GNG3: variants seen among roughly 807,000 people sequenced by gnomAD.
GNG3 encodes the protein G protein subunit gamma 3, also known as guanine nucleotide-binding protein G(I)/G(S)/G(O) subunit gamma-3.
A neutral mutation model predicts 5.6 loss-of-function variants in GNG3; 4 were observed. The observed-to-expected ratio is 0.71, with a 90% CI of 0.35 to 1.63. The LOEUF (loss-of-function observed/expected upper bound fraction) is 1.63, where lower values mean the gene tolerates loss of function less well. GNG3 is among the 40% of genes most tolerant of loss of function. GNG3 has a pLI of 0.05. For synonymous variants in GNG3, 30 were observed against 33.5 expected (o/e 0.89, Z 0.36); for missense variants, 62 against 96.6 (o/e 0.64, Z 1.50).
Position 62,708,894 on chromosome 11 carries a change from C to T in GNG3, c.*88C>T, listed in dbSNP as rs770513284. On this transcript the variant is annotated 3_prime_UTR_variant, in exon 3 of 3. Transcript: ENST00000294117. ...TAATTGTTGTGAGCCCCTTAGGCTCCTTGCATCCCATCCCTAACCCTTGCC... is the reference window on the plus strand; with the variant it reads ...TAATTGTTGTGAGCCCCTTAGGCTCTTTGCATCCCATCCCTAACCCTTGCC... 111 of 983,694 alleles carry T rather than the reference C, an allele frequency of 1.1e-4. No individual in the cohort carries two copies. The highest frequency in any genetic ancestry group is 1.6e-4 in the Non-Finnish European group (102 of 626,006). 60.9% of individuals were successfully genotyped at this position (983,694 alleles called of 1,614,324 possible). A position where few individuals can be genotyped will look rare whatever the true frequency, so the allele number is the denominator to read the frequency against.
upstream of GNG3, chr11:62,707,661 G>A: frequency 4.5e-6 from 2 of 440,830 alleles, no homozygotes; most frequent in Non-Finnish European, 8.4e-6. Flanking sequence ...GTATGCTCCA[G>A]GATCTGAGCA....
In GNG3 at chr11:62,707,928, C is replaced by T. The variant is rs1270662427; in HGVS notation, c.-2+13C>T. The T allele has an allele frequency of 9.9e-6, 3 of 303,380 alleles. No individual in the cohort carries two copies. Among genetic ancestry groups the T allele is most frequent in the East Asian group, 1.5e-4 (2 of 13,756 alleles). The allele number at this position is 303,380 out of a possible 1,614,324, so 18.8% of individuals were successfully genotyped here. On this transcript the variant is annotated intron_variant, in intron 1 of 2. Transcript: ENST00000294117. ...CTTGTGGCTTCAGGTAAGTAATGGC[C>T]TGTTTTTCTCCTGTTGGGGCTCACT...
At chr11:62,708,575 G>T (rs1309549875) in intron 2 of GNG3, 103 bp from the exon 3 acceptor site, 7 of 1,513,488 alleles carry the variant, frequency 4.6e-6, no homozygotes, top group Middle Eastern at 2.1e-4. Context: ...AAGACAAGTC[G>T]TAAGGAGCCC....
At chr11:62,706,765 T>A, upstream of GNG3, 1 of 541,192 alleles carries the variant, frequency 1.8e-6, no homozygotes, top group South Asian at 1.5e-5. Flanking sequence ...AACCTGGGCC[T>A]CTTGCGTTGT....
chr11:62,707,851 C>A lies in GNG3; in HGVS notation c.-66C>A, dbSNP rs2083567834. ...TACTGGGTGGGGCACCCATTTCAGG[C>A]AGAAGGTTTTGGTACCCTCCACTGA... is the stretch of plus-strand genomic sequence containing the variant. On this transcript the variant is annotated 5_prime_UTR_variant, in exon 1 of 3. Coordinates refer to ENST00000294117, the MANE Select transcript of GNG3 (RefSeq NM_012202.5). The A allele has an allele frequency of 4.0e-6, 1 of 252,560 alleles. No individual in the cohort carries two copies. The highest frequency in any genetic ancestry group is 7.8e-6 in the Non-Finnish European group (1 of 128,092). 15.6% of individuals were successfully genotyped at this position (252,560 alleles called of 1,614,324 possible).
intron 2 of GNG3, 69 bp downstream of exon 2, chr11:62,708,463 A>G: frequency 3.1e-6 from 4 of 1,294,356 alleles, no homozygotes; most frequent in Non-Finnish European, 4.5e-6. Flanking sequence ...CCCAAAGCTC[A>G]AGATAAGAGA....
At chr11:62,707,644 G>T, upstream of GNG3, 1 of 468,424 alleles carries the variant, frequency 2.1e-6, no homozygotes, top group South Asian at 2.1e-5. Flanking sequence ...CACTGGCCAG[G>T]CAGTTGGTAT....
At chr11:62,708,549 G>A in intron 2 of GNG3, 129 bp from the exon 3 acceptor site, 1 of 1,354,194 alleles carries the variant, frequency 7.4e-7, no homozygotes, top group Non-Finnish European at 1.0e-6. Context: ...CCAGGCCTCT[G>A]GGGGGGATGA....
At position 62,709,038 on chromosome 11, in the gene GNG3, A is replaced by G; in HGVS notation, c.*232A>G. ...AGAGATATGAGGCACCCTTTGCTCC[A>G]CCCACAGCAGGGCCCCGTCAGACTC... On this transcript the variant is annotated 3_prime_UTR_variant, in exon 3 of 3. Transcript: ENST00000294117. 3.8e-6 allele frequency: 2 copies of G among 528,268 alleles called. No homozygotes were observed. Among genetic ancestry groups the G allele is most frequent in the Non-Finnish European group, 7.0e-6 (2 of 287,438 alleles). 32.7% of individuals were successfully genotyped at this position (528,268 alleles called of 1,614,324 possible). A position where few individuals can be genotyped will look rare whatever the true frequency, so the allele number is the denominator to read the frequency against.
At position 62,709,139 on chromosome 11, in the gene GNG3, A is replaced by T; in HGVS notation, c.*333A>T. On this transcript the variant is annotated 3_prime_UTR_variant, in exon 3 of 3. Transcript: ENST00000294117. ...AGGGATGGGCCAGGTTCTTGCTCTCAGTCTCACCTGGAGCTACTGGGAGGG... is the reference window on the plus strand; with the variant it reads ...AGGGATGGGCCAGGTTCTTGCTCTCTGTCTCACCTGGAGCTACTGGGAGGG... 4 of 477,834 alleles carry T rather than the reference A, an allele frequency of 8.4e-6. No homozygotes were observed. The highest frequency in any genetic ancestry group is 6.2e-5 in the South Asian group (4 of 64,234). 29.6% of individuals were successfully genotyped at this position (477,834 alleles called of 1,614,324 possible). A position where few individuals can be genotyped will look rare whatever the true frequency, so the allele number is the denominator to read the frequency against.
upstream of GNG3, chr11:62,706,667 TG>T: frequency 4.2e-6 from 2 of 476,930 alleles, no homozygotes; most frequent in Non-Finnish European, 8.6e-6. Context: ...GTCATCCAGC[TG>T]GCGCTGATTT....
Position 62,708,735 on chromosome 11 carries a change from C to A in GNG3, c.157C>A (p.Pro53Thr). The part of the protein sequence containing the change: ...TYCDAHACED[P>T]LITPVPTSEN... ...CTGTGATGCCCACGCCTGTGAGGAT[C>A]CCCTCATCACCCCTGTGCCCACTTC... Residue 53 changes from proline to threonine, a missense_variant, in exon 3 of 3, where the codon CCC becomes ACC. Around this residue, in one of 2 missense-constraint regions of GNG3, gnomAD observed 58 missense variants for 75.4 expected, o/e 0.77. Coordinates refer to ENST00000294117, the MANE Select transcript of GNG3 (RefSeq NM_012202.5). The A allele has an allele frequency of 6.2e-7, 1 of 1,614,006 alleles. No individual in the cohort carries two copies. Among genetic ancestry groups the A allele is most frequent in the South Asian group, 1.1e-5 (1 of 91,084 alleles).
chr11:62,708,841 C>T lies in GNG3; in HGVS notation c.*35C>T. On this transcript the variant is annotated 3_prime_UTR_variant, in exon 3 of 3. Transcript: ENST00000294117. ...TCCCTTCTCACAACTCCTCCCTTTT[C>T]CCTCTCCTGGGCCCTTCCTTAGGTC... The T allele has an allele frequency of 2.0e-6, 3 of 1,533,794 alleles. No individual in the cohort carries two copies.
Position 62,708,987 on chromosome 11 carries a change from C to T in GNG3, c.*181C>T. 1 of 610,520 alleles carries T rather than the reference C, an allele frequency of 1.6e-6. No individual in the cohort carries two copies. Among genetic ancestry groups the T allele is most frequent in the Non-Finnish European group, 2.9e-6 (1 of 341,094 alleles). The allele number at this position is 610,520 out of a possible 1,614,324, so 37.8% of individuals were successfully genotyped here. A position where few individuals can be genotyped will look rare whatever the true frequency, so the allele number is the denominator to read the frequency against. ...TATCTGTCGACCCCATTTCCTACCA[C>T]CTTTGTGGCCGACCCCAAGCACCCC... On this transcript the variant is annotated 3_prime_UTR_variant, in exon 3 of 3. Coordinates refer to ENST00000294117, the MANE Select transcript of GNG3 (RefSeq NM_012202.5).
chr11:62,708,004 C>T (rs2083571505), intron 1 of GNG3, 89 bp downstream of exon 1: 1 of 436,372 alleles, frequency 2.3e-6, no homozygotes, highest in Admixed American at 3.4e-5. Context: ...TTGAGGTCTT[C>T]AGAGCTGGGA....
chr11:62,706,986 C>A, upstream of GNG3: 1 of 826,764 alleles, frequency 1.2e-6, no homozygotes, highest in Non-Finnish European at 2.0e-6. Context: ...CTGCTGCGGG[C>A]GTGGGAAGTA....
Position 62,708,382 on chromosome 11 carries a change from G to A in GNG3, c.87G>A (p.Leu29=). 1.2e-6 allele frequency: 2 copies of A among 1,612,104 alleles called. No individual in the cohort carries two copies. Among genetic ancestry groups the A allele is most frequent in the Admixed American group, 1.7e-5 (1 of 60,012 alleles). ...MVEQLKIEAS[L]CRIKVSKAAA... The stretch of plus-strand genomic sequence containing the variant: ...AACAGCTTAAGATTGAAGCCAGCTT[G>A]TGTCGGATAAAGGTAGGTGGGACCC... The change falls in exon 2 of 3, where the codon TTG becomes TTA. Residue 29 remains leucine (L), a synonymous_variant. Transcript: ENST00000294117.
Position 62,708,746 on chromosome 11 carries a change from C to T in GNG3, c.168C>T (p.Thr56=). The change falls in exon 3 of 3, where the codon ACC becomes ACT. Residue 56 remains threonine (T), a synonymous_variant. Coordinates refer to ENST00000294117, the MANE Select transcript of GNG3 (RefSeq NM_012202.5). ...DAHACEDPLI[T]PVPTSENPFR... ...ACGCCTGTGAGGATCCCCTCATCAC[C>T]CCTGTGCCCACTTCGGAGAACCCCT... is the stretch of plus-strand genomic sequence containing the variant. 6.2e-7 allele frequency: 1 copy of T among 1,614,114 alleles called. No homozygotes were observed. Among genetic ancestry groups the T allele is most frequent in the Non-Finnish European group, 8.5e-7 (1 of 1,179,980 alleles).
chr11:62,707,123 G>C (rs779838558), upstream of GNG3: 51 of 1,553,816 alleles, frequency 3.3e-5, 2 homozygotes, highest in South Asian at 5.8e-4. Context: ...TCTTTGTCCG[G>C]TCCTTTGATC....
Sources: allele counts gnomAD v4.1 joint callset, GRCh38; gene constraint gnomAD v4.1.1; regional missense constraint gnomAD v4.1.1; transcripts MANE v1.5; gene names NCBI Gene and HGNC (gene_info 2026-07-23, HGNC 2026-07-21).